Variants in PRSS23 observed in about 807,000 individuals in gnomAD.
The protein encoded by PRSS23 is serine protease 23.
PRSS23 carries 25 observed loss-of-function variants against 34.7 expected under a neutral mutation model. The observed-to-expected ratio is 0.72, with a 90% CI of 0.53 to 1.01. PRSS23 has a LOEUF of 1.01. Among genes scored for constraint, PRSS23 ranks in the 50% least tolerant of loss-of-function variants. PRSS23 has a pLI of 0.00. For missense variants in PRSS23, 445 were observed against 475.6 expected (o/e 0.94, Z 0.60); for synonymous variants, 176 against 186.6 (o/e 0.94, Z 0.46).
intron 2 of PRSS23, among the ~76,000 whole-genome samples, chr11:86,834,598 C>A (rs1948390075): frequency 7.4e-6 from 1 of 134,380 alleles, no homozygotes; most frequent in Non-Finnish European, 1.6e-5. Flanking sequence ...CTTTCCTTTC[C>A]TTTCCTTTCC....
chr11:86,877,052 T>G (rs949060366), intron 2 of PRSS23, among the ~76,000 whole-genome samples: 20 of 152,334 alleles, frequency 1.3e-4, no homozygotes, highest in South Asian at 1.2e-3. Flanking sequence ...CACTTCATGG[T>G]GCACTGGGCC....
At chr11:86,924,548 C>A (rs1399890663) in intron 2 of PRSS23, among the ~76,000 whole-genome samples, 1 of 152,184 alleles carries the variant, frequency 6.6e-6, no homozygotes, top group Non-Finnish European at 1.5e-5. Context: ...GACTTGAAGG[C>A]TCTTGGACCT....
chr11:86,834,442 T>G (rs1416752904), intron 2 of PRSS23, among the ~76,000 whole-genome samples: 2 of 152,198 alleles, frequency 1.3e-5, no homozygotes, highest in Non-Finnish European at 2.9e-5. Context: ...TATAAGCATT[T>G]CTAATGAAGC....
At chr11:86,893,715 G>GT (rs1203380181) in intron 2 of PRSS23, among the ~76,000 whole-genome samples, 1 of 152,086 alleles carries the variant, frequency 6.6e-6, no homozygotes, top group Non-Finnish European at 1.5e-5. Flanking sequence ...TTAAATAAAA[G>GT]TATATTCTTC....
intron 1 of PRSS23, among the ~76,000 whole-genome samples, chr11:86,793,312 GAA>G (rs1947962891): frequency 6.6e-6 from 1 of 152,172 alleles, no homozygotes; most frequent in African/African-American, 2.4e-5. Context: ...GGAGGGAATA[GAA>G]TTTGGGAAAC....
At chr11:86,792,936 A>T (rs1410157549) in intron 1 of PRSS23, among the ~76,000 whole-genome samples, 1 of 152,208 alleles carries the variant, frequency 6.6e-6, no homozygotes, top group African/African-American at 2.4e-5. Context: ...GCAGTGGTAC[A>T]GTCACAGCTC....
chr11:86,941,936 C>T (rs951321336), intron 2 of PRSS23, among the ~76,000 whole-genome samples: 9 of 152,180 alleles, frequency 5.9e-5, no homozygotes, highest in African/African-American at 1.9e-4. Flanking sequence ...TCCTTCCTTA[C>T]TCCATTTCTT....
intron 2 of PRSS23, among the ~76,000 whole-genome samples, chr11:86,897,846 G>A (rs1948886914): frequency 6.6e-6 from 1 of 152,184 alleles, no homozygotes; most frequent in Non-Finnish European, 1.5e-5. Context: ...TTTGCGCTCA[G>A]CATCTCCTTT....
intron 2 of PRSS23, among the ~76,000 whole-genome samples, chr11:86,878,773 G>T (rs1948744243): frequency 6.6e-6 from 1 of 151,814 alleles, no homozygotes; most frequent in Non-Finnish European, 1.5e-5. Context: ...AGTCTGGAAA[G>T]TGAGGAGCGT....
chr11:86,915,166 T>C (rs1949003928), intron 2 of PRSS23, among the ~76,000 whole-genome samples: 1 of 152,160 alleles, frequency 6.6e-6, no homozygotes, highest in Admixed American at 6.5e-5. Flanking sequence ...AGGGGATTCA[T>C]GGGAACATGA....
intron 2 of PRSS23, among the ~76,000 whole-genome samples, chr11:86,942,222 C>A (rs1283583234): frequency 6.6e-6 from 1 of 152,068 alleles, no homozygotes; most frequent in Non-Finnish European, 1.5e-5. Flanking sequence ...GGGATGTCTT[C>A]CCAGGAAAGA....
rs1202133967 is a variant in PRSS23 at position 86,809,161 on chromosome 11, C to T, written c.*366C>T. 2 of 186,918 alleles carry T rather than the reference C, an allele frequency of 1.1e-5. No homozygotes were observed. Among genetic ancestry groups the T allele is most frequent in the East Asian group, 3.2e-4 (2 of 6,282 alleles). The allele number at this position is 186,918 out of a possible 1,614,324, so 11.6% of individuals were successfully genotyped here. ...TCAAAGATTTATATTAAATATTTGG[C>T]ATACAAGAGATATGAATTCTTATAT... On this transcript the variant is annotated 3_prime_UTR_variant, in exon 2 of 2. Coordinates refer to ENST00000280258, the MANE Select transcript of PRSS23 (RefSeq NM_007173.6).
At chr11:86,879,146 C>T (rs1446663573) in intron 2 of PRSS23, among the ~76,000 whole-genome samples, 3 of 150,836 alleles carry the variant, frequency 2.0e-5, no homozygotes, top group African/African-American at 7.3e-5. Context: ...AGGAGCGCCT[C>T]TTCCCGGCCG....
At chr11:86,837,754 G>C (rs185269117) in intron 2 of PRSS23, 25 of 152,222 alleles carry the variant, frequency 1.6e-4, no homozygotes, top group African/African-American at 5.5e-4. Context: ...GTGACAGAGC[G>C]AGACTCCATC....
At chr11:86,871,857 G>A (rs1291051194) in intron 2 of PRSS23, among the ~76,000 whole-genome samples, 1 of 152,184 alleles carries the variant, frequency 6.6e-6, no homozygotes, top group Non-Finnish European at 1.5e-5. Context: ...AGGCAGAAGG[G>A]TCAACATGTA....
At chr11:86,876,732 TA>T (rs10594558) in intron 2 of PRSS23, among the ~76,000 whole-genome samples, 100 of 149,766 alleles carry the variant, frequency 6.7e-4, no homozygotes, top group African/African-American at 1.6e-3. Context: ...AACATTGCAA[TA>T]AAAAAAAAAA....
At chr11:86,844,241 A>G (rs908540320) in intron 2 of PRSS23, among the ~76,000 whole-genome samples, 2 of 152,190 alleles carry the variant, frequency 1.3e-5, no homozygotes, top group African/African-American at 2.4e-5. Context: ...TGCAGGGAAC[A>G]TCACACACCG....
intron 2 of PRSS23, among the ~76,000 whole-genome samples, chr11:86,907,683 C>T (rs2134990268): frequency 6.6e-6 from 1 of 152,254 alleles, no homozygotes; most frequent in East Asian, 1.9e-4. Flanking sequence ...TGGTCTCAAG[C>T]TCTTGGGCTG....
At chr11:86,876,946 A>C (rs74362934) in intron 2 of PRSS23, among the ~76,000 whole-genome samples, 3 of 152,304 alleles carry the variant, frequency 2.0e-5, no homozygotes, top group African/African-American at 7.2e-5. Context: ...CTGAGTAAAG[A>C]GTCTCCATCA....
Sources: allele counts gnomAD v4.1 joint callset (sites outside exome capture counted in the v4.1 genomes callset), GRCh38; gene constraint gnomAD v4.1.1; transcripts MANE v1.5; gene names NCBI Gene and HGNC (gene_info 2026-07-23, HGNC 2026-07-21).